TRAF3IP1: variants seen among roughly 807,000 people sequenced by gnomAD.
The protein encoded by TRAF3IP1 is TRAF3-interacting protein 1.
A neutral mutation model predicts 89.9 loss-of-function variants in TRAF3IP1; 53 were observed. The ratio of observed to expected loss-of-function variants is 0.59; its 90% CI spans 0.47 to 0.74. The LOEUF (loss-of-function observed/expected upper bound fraction) is 0.74, where lower values mean the gene tolerates loss of function less well. TRAF3IP1 is among the 30% of genes least tolerant of loss of function. The pLI is 0.00. For missense variants in TRAF3IP1, 806 were observed against 866.1 expected (o/e 0.93, Z 0.87); for synonymous variants, 311 against 322.1 (o/e 0.97, Z 0.37).
chr2:238,345,437 TG>T lies in TRAF3IP1; in HGVS notation c.1261+842del, dbSNP rs1053054570. 2.0e-5 allele frequency among the ~76,000 whole-genome samples: 3 copies of T among 152,156 alleles called. No individual in the cohort carries two copies. The highest frequency in any genetic ancestry group is 4.4e-5 in the Non-Finnish European group (3 of 68,028). On this transcript the variant is annotated intron_variant, in intron 9 of 16. Transcript: ENST00000373327. This position sits in a 1 kb window ranked among gnomAD's most constrained non-coding sequence, Gnocchi z 4.7. ...GGGCTGTATAAACCAAGATCCCGGC[TG>T]GGATGCGACTGCAGCAGGGCTGGCT...
intron 15 of TRAF3IP1, among the ~76,000 whole-genome samples, chr2:238,377,495 T>C: frequency 6.6e-6 from 1 of 152,162 alleles, no homozygotes; most frequent in East Asian, 1.9e-4. Flanking sequence ...TCTATTATAT[T>C]CCTTAATTCA....
rs1697953683 is a variant in TRAF3IP1 at position 238,328,602 on chromosome 2, A to G, written c.355-84A>G. On this transcript the variant is annotated intron_variant, in intron 3 of 16. Coordinates refer to ENST00000373327, the MANE Select transcript of TRAF3IP1 (RefSeq NM_015650.4). ...AGACAGAGAATCTGTCTCATGAGCTATCTTTGAATGGCGATGTTCTATTTG... is the reference window on the plus strand; with the variant it reads ...AGACAGAGAATCTGTCTCATGAGCTGTCTTTGAATGGCGATGTTCTATTTG... 7 of 1,476,274 alleles carry G rather than the reference A, an allele frequency of 4.7e-6. No individual in the cohort carries two copies. The South Asian group carries it at 6.5e-5, about 14-fold the overall frequency. 91.4% of individuals were successfully genotyped at this position (1,476,274 alleles called of 1,614,324 possible).
At chr2:238,339,905 A>G (rs894922952) in intron 8 of TRAF3IP1, among the ~76,000 whole-genome samples, 7 of 152,254 alleles carry the variant, frequency 4.6e-5, no homozygotes, top group Non-Finnish European at 8.8e-5. Context: ...AACAAGTGTG[A>G]AGATAACACA....
At chr2:238,398,441 G>C (rs1701338534) in intron 16 of TRAF3IP1, among the ~76,000 whole-genome samples, 1 of 146,712 alleles carries the variant, frequency 6.8e-6, no homozygotes, top group Admixed American at 6.8e-5. Context: ...AACATAGGTG[G>C]GGGGTAGTGG....
rs1559355316 is a variant in TRAF3IP1 at position 238,328,744 on chromosome 2, G to T, written c.413G>T (p.Gly138Val). The change falls in exon 4 of 17, where the codon GGC becomes GTC. Residue 138 changes from glycine (G) to valine (V), a missense_variant. Gly to Val is a moderately radical substitution (Grantham distance 109). Coordinates refer to ENST00000373327, the MANE Select transcript of TRAF3IP1 (RefSeq NM_015650.4). ...GCTGGAGAGAAGGGAGAAGTGAAAG[G>T]CCGGGCCTCACTGACCTCAAGATCT... ...VLAGEKGEVK[G>V]RASLTSRSQE... 8.1e-6 allele frequency: 13 copies of T among 1,614,020 alleles called. No homozygotes were observed. The East Asian group carries it at 2.9e-4, about 36-fold the overall frequency.
At chr2:238,383,325 C>G (rs1369436268) in intron 15 of TRAF3IP1, among the ~76,000 whole-genome samples, 1 of 152,170 alleles carries the variant, frequency 6.6e-6, no homozygotes, top group Non-Finnish European at 1.5e-5. Context: ...GGGCCCGGGC[C>G]CTGGCACACA....
Position 238,348,868 on chromosome 2 carries a change from C to T in TRAF3IP1, c.1367+20C>T. 3.7e-6 allele frequency: 6 copies of T among 1,609,030 alleles called. No individual in the cohort carries two copies. Among genetic ancestry groups the T allele is most frequent in the Non-Finnish European group, 5.1e-6 (6 of 1,175,470 alleles). ...CATCAGGTCTGTGTGCTTTGAATCCCTTTCCCTCAGCAGAGTGATCACACC... is the reference window on the plus strand; with the variant it reads ...CATCAGGTCTGTGTGCTTTGAATCCTTTTCCCTCAGCAGAGTGATCACACC... On this transcript the variant is annotated intron_variant, in intron 11 of 16. Transcript: ENST00000373327.
intron 8 of TRAF3IP1, among the ~76,000 whole-genome samples, chr2:238,340,752 A>G (rs1392148668): frequency 6.6e-6 from 1 of 151,186 alleles, no homozygotes; most frequent in Non-Finnish European, 1.5e-5. Context: ...TAGTGCCCAT[A>G]TACCTCTCAC....
At chr2:238,328,574 T>C (rs1049646227) in intron 3 of TRAF3IP1, 112 bp from the exon 4 acceptor site, 3 of 1,264,880 alleles carry the variant, frequency 2.4e-6, no homozygotes, top group Non-Finnish European at 3.3e-6. Flanking sequence ...TGAATTTCAT[T>C]GTAGACAGAG....
chr2:238,372,277 C>T (rs371805468), intron 15 of TRAF3IP1, among the ~76,000 whole-genome samples: 36 of 152,206 alleles, frequency 2.4e-4, no homozygotes, highest in African/African-American at 7.9e-4. Flanking sequence ...CTATCCCTCC[C>T]CCAGCCCTCT....
intron 15 of TRAF3IP1, among the ~76,000 whole-genome samples, chr2:238,364,017 A>G (rs548588775): frequency 1.3e-5 from 2 of 152,314 alleles, no homozygotes; most frequent in South Asian, 2.1e-4. Context: ...TGCTGAATCT[A>G]TCACCATTAT....
intron 14 of TRAF3IP1, 94 bp from the exon 15 acceptor site, chr2:238,355,910 A>G (rs1233548347): frequency 3.5e-6 from 3 of 859,614 alleles, no homozygotes; most frequent in Non-Finnish European, 5.7e-6. Context: ...GATAGGATAA[A>G]AACTTAGTGT....
chr2:238,389,363 C>A (rs1700903872), intron 15 of TRAF3IP1, among the ~76,000 whole-genome samples: 2 of 152,044 alleles, frequency 1.3e-5, no homozygotes, highest in Admixed American at 1.3e-4. Flanking sequence ...ATTTTTCAAC[C>A]CTCCCCCTCC....
intron 15 of TRAF3IP1, among the ~76,000 whole-genome samples, chr2:238,364,335 C>G (rs947977194): frequency 2.4e-4 from 37 of 151,742 alleles, no homozygotes; most frequent in African/African-American, 8.2e-4. Context: ...CTTCATTATC[C>G]TGACTTTTTT....
intron 15 of TRAF3IP1, among the ~76,000 whole-genome samples, chr2:238,366,639 T>A (rs1429374140): frequency 6.6e-6 from 1 of 152,148 alleles, no homozygotes; most frequent in Non-Finnish European, 1.5e-5. Flanking sequence ...ATGTCCTCGG[T>A]TTTTTAGATT....
intron 15 of TRAF3IP1, among the ~76,000 whole-genome samples, chr2:238,382,023 A>C (rs1014530133): frequency 1.3e-5 from 2 of 152,168 alleles, no homozygotes; most frequent in Admixed American, 6.5e-5. Flanking sequence ...AGCCGTAAAG[A>C]AGCAGAATCG....
chr2:238,348,427 C>T (rs905823416), intron 10 of TRAF3IP1, among the ~76,000 whole-genome samples: 12 of 152,122 alleles, frequency 7.9e-5, no homozygotes, highest in Non-Finnish European at 1.8e-4. Flanking sequence ...GATGGGTGAA[C>T]ATCTTGACAT....
chr2:238,347,429 A>G, intron 9 of TRAF3IP1, 26 bp from the exon 10 acceptor site: 1 of 1,613,832 alleles, frequency 6.2e-7, no homozygotes, highest in South Asian at 1.1e-5. Context: ...CACGAAAGCT[A>G]ATTTTCTGAT....
chr2:238,353,337 C>A, intron 14 of TRAF3IP1, 128 bp downstream of exon 14: 1 of 944,512 alleles, frequency 1.1e-6, no homozygotes, highest in Non-Finnish European at 1.6e-6. Context: ...GTCACACTGG[C>A]GGGATCACAC....
Sources: gnomAD v4.1 joint callset for allele counts (sites outside exome capture counted in the v4.1 genomes callset) on GRCh38, gnomAD v4.1.1 for gene constraint, Gnocchi (gnomAD v3.1) non-coding constraint, MANE v1.5 for transcripts, NCBI Gene and HGNC (gene_info 2026-07-23, HGNC 2026-07-21) for gene names.